PCDHA9: variants seen among roughly 807,000 people sequenced by gnomAD.
PCDHA9 encodes the protein protocadherin alpha-9.
In PCDHA9, 62 loss-of-function variants were observed where a neutral mutation model predicts 62.0. The ratio of observed to expected loss-of-function variants is 1.00; its 90% CI spans 0.81 to 1.23. PCDHA9 has a LOEUF of 1.23. Among genes scored for constraint, PCDHA9 ranks in the 50% most tolerant of loss-of-function variants. PCDHA9 has a pLI of 0.00. For synonymous variants in PCDHA9, 557 were observed against 567.6 expected, an observed-to-expected ratio of 0.98 and a Z score of 0.27; for missense variants, 1,205 against 1,249.8, an observed-to-expected ratio of 0.96 and a Z score of 0.54.
intron 1 of PCDHA9, among the ~76,000 whole-genome samples, chr5:140,913,844 A>G (rs1554196074): frequency 1.3e-5 from 2 of 152,194 alleles, no homozygotes; most frequent in African/African-American, 2.4e-5. Flanking sequence ...CCCACTGGTC[A>G]TTCAGGAGCA....
intron 1 of PCDHA9, chr5:140,884,831 A>G (rs918582598): frequency 4.3e-6 from 4 of 939,604 alleles, no homozygotes; most frequent in Non-Finnish European, 6.0e-6. Flanking sequence ...GTGTTGGATT[A>G]TCCTTCAGAG....
At chr5:140,933,401 C>T (rs1382982699) in intron 1 of PCDHA9, among the ~76,000 whole-genome samples, 1 of 151,928 alleles carries the variant, frequency 6.6e-6, no homozygotes, top group African/African-American at 2.4e-5. Flanking sequence ...ATCTGGTTAC[C>T]ATCTACAGAT....
chr5:140,989,925 T>G (rs2097366658), intron 3 of PCDHA9, among the ~76,000 whole-genome samples: 1 of 151,810 alleles, frequency 6.6e-6, no homozygotes, highest in South Asian at 2.1e-4. Context: ...AGAGCAGAGA[T>G]AGATGACATT....
At chr5:140,861,660 G>C (rs1410564922) in intron 1 of PCDHA9, 1 of 269,190 alleles carries the variant, frequency 3.7e-6, no homozygotes, top group Admixed American at 4.3e-5. Context: ...TCTGAAACGA[G>C]AGCTCTTGAT....
At chr5:140,922,655 C>G (rs1468761948) in intron 1 of PCDHA9, among the ~76,000 whole-genome samples, 1 of 152,134 alleles carries the variant, frequency 6.6e-6, no homozygotes, top group Non-Finnish European at 1.5e-5. Context: ...GTAAATATGG[C>G]TATACTGCAA....
intron 1 of PCDHA9, chr5:140,864,163 C>T (rs2048345363): frequency 6.6e-6 from 1 of 152,054 alleles, no homozygotes; most frequent in South Asian, 2.1e-4. Context: ...TTAAATCTTA[C>T]CGGAAGGATC....
chr5:140,896,090 C>CA (rs2065374359), intron 1 of PCDHA9, among the ~76,000 whole-genome samples: 1 of 152,152 alleles, frequency 6.6e-6, no homozygotes, highest in Non-Finnish European at 1.5e-5. Flanking sequence ...GGATTACAGG[C>CA]GTGAGCCACT....
chr5:141,009,935 T>C lies in PCDHA9; in HGVS notation c.2851T>C (p.Ter951ArgextTer53). The change falls in exon 4 of 4, where the codon TGA (stop) becomes CGA (arginine). Residue 951 changes from the stop codon to arginine, a stop_lost. Coordinates refer to ENST00000532602, the MANE Select transcript of PCDHA9 (RefSeq NM_031857.2). ...CAGCACGACTGACAACAGTGACCAG[T>C]GAGGTCCTCAAATGGAAACAAGCCA... ...GNSTTDNSDQ[*>R] 1.2e-6 allele frequency: 2 copies of C among 1,602,416 alleles called. No homozygotes were observed. The highest frequency in any genetic ancestry group is 1.7e-6 in the Non-Finnish European group (2 of 1,176,054).
At chr5:140,883,021 G>A in intron 1 of PCDHA9, 1 of 1,614,136 alleles carries the variant, frequency 6.2e-7, no homozygotes, top group Non-Finnish European at 8.5e-7. Flanking sequence ...AAGTGACGGT[G>A]TTAGAGAACG....
chr5:140,968,866 A>G, intron 1 of PCDHA9: 1 of 1,614,230 alleles, frequency 6.2e-7, no homozygotes, highest in Non-Finnish European at 8.5e-7. Flanking sequence ...GCCCTCGGAC[A>G]TACTCTGAAA....
chr5:140,861,028 C>G (rs954598633), intron 1 of PCDHA9: 1 of 152,238 alleles, frequency 6.6e-6, no homozygotes, highest in African/African-American at 2.4e-5. Context: ...CGCACCCGGC[C>G]GAAAGGTATT....
At chr5:140,959,570 T>C (rs1324858058) in intron 1 of PCDHA9, among the ~76,000 whole-genome samples, 1 of 152,184 alleles carries the variant, frequency 6.6e-6, no homozygotes. Context: ...ACTAGATTTT[T>C]TGTTTCAATT....
At chr5:140,969,267 G>A in intron 1 of PCDHA9, 5 of 1,614,208 alleles carry the variant, frequency 3.1e-6, no homozygotes, top group South Asian at 2.2e-5. Flanking sequence ...AATCTCACAG[G>A]CCAAAGTGGT....
chr5:141,009,707 A>C lies in PCDHA9; in HGVS notation c.2623A>C (p.Asn875His). 6.2e-7 allele frequency: 1 copy of C among 1,614,144 alleles called. No individual in the cohort carries two copies. Among genetic ancestry groups the C allele is most frequent in the African/African-American group, 1.3e-5 (1 of 75,024 alleles). The change falls in exon 4 of 4, where the codon AAC becomes CAC. Residue 875 changes from asparagine (N) to histidine (H), a missense_variant. By Grantham distance (68) the Asn-to-His change is moderately conservative. This residue lies in a region of PCDHA9 where 887 missense variants were observed against 809.5 expected (regional missense o/e 1.10). Transcript: ENST00000532602. ...CTGGACCTTTAAATACGGACCAGGC[A>C]ACCCCAAACAATCCGGTCCCGGTGA... is the stretch of plus-strand genomic sequence containing the variant. ...NSWTFKYGPG[N>H]PKQSGPGELP...
At chr5:140,894,259 T>A (rs2064392118) in intron 1 of PCDHA9, among the ~76,000 whole-genome samples, 1 of 152,106 alleles carries the variant, frequency 6.6e-6, no homozygotes. Context: ...TCTTTACAAG[T>A]GGTAGCTTAT....
intron 1 of PCDHA9, chr5:140,851,253 T>C: frequency 2.8e-6 from 3 of 1,086,078 alleles, no homozygotes; most frequent in Non-Finnish European, 2.3e-6. Context: ...TGATGCATAG[T>C]ATTTTAGTCT....
chr5:140,999,450 A>G (rs2097858332), intron 3 of PCDHA9, among the ~76,000 whole-genome samples: 1 of 152,198 alleles, frequency 6.6e-6, no homozygotes, highest in Admixed American at 6.5e-5. Flanking sequence ...TATTCGTTCA[A>G]CGAATAAGTG....
intron 1 of PCDHA9, among the ~76,000 whole-genome samples, chr5:140,975,074 G>C (rs2096653166): frequency 1.3e-5 from 2 of 152,152 alleles, no homozygotes; most frequent in South Asian, 4.1e-4. Flanking sequence ...CATTCAGATT[G>C]TTGGCAGAAT....
intron 1 of PCDHA9, among the ~76,000 whole-genome samples, chr5:140,908,903 C>T (rs116633080): frequency 2.5e-3 from 374 of 152,278 alleles, no homozygotes; most frequent in African/African-American, 8.5e-3. Context: ...AAGCCTCTTT[C>T]GTGGTTGTAG....
Sources: allele counts gnomAD v4.1 joint callset (sites outside exome capture counted in the v4.1 genomes callset), GRCh38; gene constraint gnomAD v4.1.1; regional missense constraint gnomAD v4.1.1; transcripts MANE v1.5; gene names NCBI Gene and HGNC (gene_info 2026-07-23, HGNC 2026-07-21).